FAM135B: variants seen among roughly 807,000 people sequenced by gnomAD.
The protein encoded by FAM135B is family with sequence similarity 135 member B.
FAM135B carries 43 observed loss-of-function variants against 127.7 expected under a neutral mutation model. The observed-to-expected ratio is 0.34, with a 90% confidence interval of 0.26 to 0.43. The LOEUF (loss-of-function observed/expected upper bound fraction) is 0.43. FAM135B is among the 20% of genes least tolerant of loss of function. The pLI, the probability that FAM135B is intolerant of heterozygous loss-of-function variation, is 1.00. For missense variants in FAM135B, 1,558 were observed against 1,725.6 expected (o/e 0.90, Z 1.72); for synonymous variants, 670 against 665.1 (o/e 1.01, Z -0.11).
intron 2 of FAM135B, among the ~76,000 whole-genome samples, chr8:138,339,894 G>C (rs1828922492): frequency 6.6e-6 from 1 of 152,196 alleles, no homozygotes; most frequent in African/African-American, 2.4e-5. Context: ...TGATGGGGGA[G>C]TGGAAGCGTG....
chr8:138,181,840 T>C (rs1815071057), intron 9 of FAM135B, among the ~76,000 whole-genome samples: 1 of 152,208 alleles, frequency 6.6e-6, no homozygotes. Flanking sequence ...CTACTTGACC[T>C]GCACGGGCAC....
At chr8:138,224,939 C>A (rs1024227701) in intron 7 of FAM135B, among the ~76,000 whole-genome samples, 1 of 151,590 alleles carries the variant, frequency 6.6e-6, no homozygotes. Context: ...ACAGGAAAGG[C>A]GGGGATGGAA....
intron 2 of FAM135B, among the ~76,000 whole-genome samples, chr8:138,341,842 T>C (rs1203570048): frequency 1.3e-5 from 2 of 152,052 alleles, no homozygotes; most frequent in African/African-American, 2.4e-5. Context: ...AACACTGACC[T>C]CCCCATGAAA....
chr8:138,261,977 T>C (rs1269514108), intron 4 of FAM135B, among the ~76,000 whole-genome samples: 2 of 152,232 alleles, frequency 1.3e-5, no homozygotes, highest in Non-Finnish European at 2.9e-5. Flanking sequence ...TACAGACATA[T>C]CCAATTAACT....
intron 9 of FAM135B, among the ~76,000 whole-genome samples, chr8:138,184,434 C>T (rs73423943): frequency 0.057 from 8,710 of 152,170 alleles, 608 homozygotes; most frequent in African/African-American, 0.16. Context: ...GGAGGATGTG[C>T]GACGCAAAAG....
intron 1 of FAM135B, among the ~76,000 whole-genome samples, chr8:138,466,350 A>G (rs536467210): frequency 6.6e-6 from 1 of 152,310 alleles, no homozygotes; most frequent in East Asian, 1.9e-4. Flanking sequence ...AGAGAGAAGT[A>G]GGTCAGTGGC....
At chr8:138,458,835 G>C (rs573245169) in intron 1 of FAM135B, among the ~76,000 whole-genome samples, 1 of 152,302 alleles carries the variant, frequency 6.6e-6, no homozygotes, top group African/African-American at 2.4e-5. Context: ...TGTTGTAGAA[G>C]TTACGCTGAA....
intron 7 of FAM135B, among the ~76,000 whole-genome samples, chr8:138,227,291 G>A (rs1488326143): frequency 6.6e-6 from 1 of 152,190 alleles, no homozygotes; most frequent in African/African-American, 2.4e-5. Flanking sequence ...AACAAAGTCA[G>A]CTATTTGGGA....
chr8:138,178,921 C>G (rs1312100412), intron 9 of FAM135B, among the ~76,000 whole-genome samples: 4 of 152,182 alleles, frequency 2.6e-5, no homozygotes, highest in South Asian at 2.1e-4. Flanking sequence ...TAGTTCCTAT[C>G]TATAGAAAAA....
At chr8:138,307,026 T>C (rs949262537) in intron 3 of FAM135B, among the ~76,000 whole-genome samples, 1 of 152,158 alleles carries the variant, frequency 6.6e-6, no homozygotes, top group African/African-American at 2.4e-5. Flanking sequence ...CTTCCCATCT[T>C]ACCTTCACAC....
intron 6 of FAM135B, among the ~76,000 whole-genome samples, chr8:138,245,920 G>C (rs1342127166): frequency 1.3e-5 from 2 of 152,182 alleles, no homozygotes. Context: ...TGCTGATAGT[G>C]ATATGGGCAA....
intron 3 of FAM135B, among the ~76,000 whole-genome samples, chr8:138,290,230 G>A (rs150054848): frequency 3.4e-4 from 52 of 152,240 alleles, no homozygotes; most frequent in East Asian, 1.9e-3. Flanking sequence ...AGGTGCGGTC[G>A]GAGATATCTG....
chr8:138,484,954 T>C lies in FAM135B; in HGVS notation c.-20+11717A>G, dbSNP rs181905330. Among the ~76,000 whole-genome samples, 33 of 152,292 alleles carry C rather than the reference T, an allele frequency of 2.2e-4. No individual in the cohort carries two copies. In the East Asian group the frequency reaches 6.0e-3, roughly 28 times the overall value. ...AAAATGCAATTTATTATTCAGTGCA[T>C]TTTATATTCTGAGTTAAAATCAACG... On this transcript the variant is annotated intron_variant, in intron 1 of 19. Transcript: ENST00000395297.
intron 3 of FAM135B, among the ~76,000 whole-genome samples, chr8:138,288,068 A>G (rs533623586): frequency 1.3e-5 from 2 of 152,340 alleles, no homozygotes; most frequent in East Asian, 3.9e-4. Context: ...AATTAGTACA[A>G]AAACAACATT....
intron 7 of FAM135B, among the ~76,000 whole-genome samples, chr8:138,212,497 G>A (rs963866104): frequency 6.6e-6 from 1 of 152,192 alleles, no homozygotes; most frequent in African/African-American, 2.4e-5. Context: ...CTGCCCCTCT[G>A]CCTTTTGCTT....
rs565529414 is a variant in FAM135B, at chr8:138,132,427, C to G, written c.*166G>C. 1 of 622,080 alleles carries G rather than the reference C, an allele frequency of 1.6e-6. No homozygotes were observed. Among genetic ancestry groups the G allele is most frequent in the Non-Finnish European group, 2.8e-6 (1 of 351,892 alleles). 38.5% of individuals were successfully genotyped at this position (622,080 alleles called of 1,614,324 possible). A position where few individuals can be genotyped will look rare whatever the true frequency, so the allele number is the denominator to read the frequency against. ...ATTTAGTCTATTTGCTCAGCTTTCT[C>G]GAATCTCCAAAACAAAAGCACCTCT... On this transcript the variant is annotated 3_prime_UTR_variant, in exon 20 of 20. Transcript: ENST00000395297. This position sits in a 1 kb window ranked among gnomAD's most constrained non-coding sequence, Gnocchi z 4.5.
chr8:138,194,844 G>A (rs749415286), intron 9 of FAM135B, among the ~76,000 whole-genome samples: 1 of 152,170 alleles, frequency 6.6e-6, no homozygotes, highest in Non-Finnish European at 1.5e-5. Context: ...GTTGGCAAAT[G>A]CATGTGACTG....
At chr8:138,454,669 T>A in intron 1 of FAM135B, among the ~76,000 whole-genome samples, 1 of 152,210 alleles carries the variant, frequency 6.6e-6, no homozygotes, top group East Asian at 1.9e-4. Context: ...TCTGTAAACA[T>A]AGATTTAGTT....
At chr8:138,321,841 CTCTT>C (rs1430819874) in intron 2 of FAM135B, among the ~76,000 whole-genome samples, 1 of 152,200 alleles carries the variant, frequency 6.6e-6, no homozygotes, top group African/African-American at 2.4e-5. Context: ...AATGACTCCC[CTCTT>C]TCTGTCTGTT....
Sources: gnomAD v4.1 joint callset for allele counts (sites outside exome capture counted in the v4.1 genomes callset) on GRCh38, gnomAD v4.1.1 for gene constraint, Gnocchi (gnomAD v3.1) non-coding constraint, MANE v1.5 for transcripts, NCBI Gene and HGNC (gene_info 2026-07-23, HGNC 2026-07-21) for gene names.